The following SLC24A2 variants were observed in gnomAD, a reference collection of about 807,000 sequenced individuals.
SLC24A2 encodes the protein solute carrier family 24 member 2, also known as sodium/potassium/calcium exchanger 2.
SLC24A2 carries 36 observed loss-of-function variants against 62.0 expected under a neutral mutation model. The ratio of observed to expected loss-of-function variants is 0.58; its 90% CI spans 0.44 to 0.77. The LOEUF (loss-of-function observed/expected upper bound fraction) is 0.77. Among genes scored for constraint, SLC24A2 ranks in the 30% least tolerant of loss-of-function variants. The pLI, the probability that SLC24A2 is intolerant of heterozygous loss-of-function variation, is 0.00. For missense variants in SLC24A2, 846 were observed against 817.9 expected (o/e 1.03, Z -0.42); for synonymous variants, 358 against 294.0 (o/e 1.22, Z -2.23).
intron 9 of SLC24A2, among the ~76,000 whole-genome samples, chr9:19,524,321 G>T (rs2132647364): frequency 1.3e-5 from 2 of 150,944 alleles, no homozygotes; most frequent in Middle Eastern, 6.8e-3. Context: ...AATATTAGAT[G>T]CAGGATTGAC....
the SLC24A2 span, among the ~76,000 whole-genome samples, chr9:20,189,267 C>A: frequency 3.9e-5 from 6 of 152,000 alleles, no homozygotes; most frequent in Admixed American, 3.3e-4. Flanking sequence ...GCCTAAAACC[C>A]CAAGTAGTTC....
intron 7 of SLC24A2, among the ~76,000 whole-genome samples, chr9:19,556,751 A>C (rs1472905659): frequency 6.6e-6 from 1 of 152,222 alleles, no homozygotes. Flanking sequence ...TTTACATAAA[A>C]ACATAATTCA....
intron 8 of SLC24A2, among the ~76,000 whole-genome samples, chr9:19,534,002 G>A (rs915185348): frequency 1.7e-5 from 1 of 59,512 alleles, no homozygotes; most frequent in African/African-American, 4.8e-5. Flanking sequence ...CACTTTAAAT[G>A]TGCAGTAGCT....
At chr9:19,695,893 T>C (rs769708961) in intron 2 of SLC24A2, among the ~76,000 whole-genome samples, 12 of 152,156 alleles carry the variant, frequency 7.9e-5, no homozygotes, top group Non-Finnish European at 1.3e-4. Context: ...ATTAAGATAC[T>C]ATACAAAGTT....
chr9:20,212,667 G>A, the SLC24A2 span, among the ~76,000 whole-genome samples: 3 of 151,120 alleles, frequency 2.0e-5, no homozygotes, highest in African/African-American at 7.4e-5. Flanking sequence ...AGAGCTGAAA[G>A]ATAACAATAA....
chr9:19,990,783 G>T, the SLC24A2 span, among the ~76,000 whole-genome samples: 1 of 149,586 alleles, frequency 6.7e-6, no homozygotes, highest in South Asian at 2.1e-4. Context: ...ATAAGTCATC[G>T]CTTTATCCAG....
the SLC24A2 span, among the ~76,000 whole-genome samples, chr9:19,801,685 C>T: frequency 2.6e-5 from 4 of 152,258 alleles, no homozygotes; most frequent in South Asian, 8.3e-4. Flanking sequence ...TTAGTGAGCT[C>T]TCTTTACTAT....
At chr9:19,721,125 A>T (rs1024651046) in intron 2 of SLC24A2, among the ~76,000 whole-genome samples, 9 of 152,168 alleles carry the variant, frequency 5.9e-5, no homozygotes, top group African/African-American at 1.2e-4. Flanking sequence ...AAGTAATGGG[A>T]TTTAAAATTC....
At chr9:19,904,286 A>G in the SLC24A2 span, among the ~76,000 whole-genome samples, 1 of 152,220 alleles carries the variant, frequency 6.6e-6, no homozygotes, top group East Asian at 1.9e-4. Flanking sequence ...AAGAGATTGT[A>G]TGGATCCAAG....
At chr9:19,766,141 T>G (rs1822508183) in intron 2 of SLC24A2, among the ~76,000 whole-genome samples, 1 of 152,238 alleles carries the variant, frequency 6.6e-6, no homozygotes, top group South Asian at 2.1e-4. Context: ...GTTTTTCAGC[T>G]CAGTCAGGTC....
chr9:19,972,347 C>T, the SLC24A2 span, among the ~76,000 whole-genome samples: 1 of 152,128 alleles, frequency 6.6e-6, no homozygotes, highest in Admixed American at 6.6e-5. Context: ...AGGAGACTGT[C>T]TACAGGTGCT....
chr9:19,628,298 A>G (rs1487912197), intron 2 of SLC24A2, among the ~76,000 whole-genome samples: 2 of 152,184 alleles, frequency 1.3e-5, no homozygotes, highest in East Asian at 3.8e-4. Context: ...ATTTAAGTCT[A>G]CCTATTAATG....
chr9:19,655,585 C>T (rs1325672326), intron 2 of SLC24A2, among the ~76,000 whole-genome samples: 2 of 152,118 alleles, frequency 1.3e-5, no homozygotes, highest in Non-Finnish European at 2.9e-5. Context: ...GTAAAATGTA[C>T]TTATTTATAA....
At chr9:19,917,645 G>A in the SLC24A2 span, among the ~76,000 whole-genome samples, 3 of 151,676 alleles carry the variant, frequency 2.0e-5, no homozygotes, top group South Asian at 4.2e-4. Flanking sequence ...GAAACCTTTT[G>A]TTGTTTTTGT....
the SLC24A2 span, among the ~76,000 whole-genome samples, chr9:19,906,141 T>C: frequency 1.3e-5 from 2 of 152,162 alleles, no homozygotes; most frequent in Admixed American, 6.5e-5. Flanking sequence ...CAGACCACAG[T>C]GCAATCAAAC....
the SLC24A2 span, among the ~76,000 whole-genome samples, chr9:19,884,126 C>G: frequency 3.9e-5 from 6 of 152,182 alleles, no homozygotes; most frequent in African/African-American, 1.4e-4. Context: ...CACTAATTAT[C>G]CCTCACAACA....
the SLC24A2 span, among the ~76,000 whole-genome samples, chr9:20,219,912 C>G: frequency 6.6e-6 from 1 of 152,134 alleles, no homozygotes; most frequent in Non-Finnish European, 1.5e-5. Context: ...ATATATCCAG[C>G]ACTATACTAT....
chr9:20,155,262 C>T, the SLC24A2 span, among the ~76,000 whole-genome samples: 2 of 151,754 alleles, frequency 1.3e-5, no homozygotes, highest in East Asian at 2.0e-4. Context: ...GCCAATAGTG[C>T]TTAAAATAAA....
At chr9:19,767,430 T>G (rs904218735) in intron 2 of SLC24A2, among the ~76,000 whole-genome samples, 2 of 152,174 alleles carry the variant, frequency 1.3e-5, no homozygotes, top group South Asian at 2.1e-4. Flanking sequence ...GCCCTTGTGG[T>G]ATAGGCAACT....
Sources: allele counts gnomAD v4.1 joint callset (sites outside exome capture counted in the v4.1 genomes callset), GRCh38; gene constraint gnomAD v4.1.1; transcripts MANE v1.5; gene names NCBI Gene and HGNC (gene_info 2026-07-23, HGNC 2026-07-21).